ZNF536: variants seen among roughly 807,000 people sequenced by gnomAD.
ZNF536 encodes zinc finger protein 536.
A neutral mutation model predicts 84.5 loss-of-function variants in ZNF536; 13 were observed. That is an observed-to-expected ratio of 0.15 (90% CI 0.10 to 0.24). The LOEUF (loss-of-function observed/expected upper bound fraction) is 0.24. Ranked by LOEUF, ZNF536 falls within the 10% of genes least tolerant of loss-of-function variation. The pLI, the probability that ZNF536 is intolerant of heterozygous loss-of-function variation, is 1.00. For missense variants in ZNF536, 1,536 were observed against 1,747.5 expected, an observed-to-expected ratio of 0.88 and a Z score of 2.16; for synonymous variants, 811 against 742.5, an observed-to-expected ratio of 1.09 and a Z score of -1.50.
At chr19:30,559,793 C>T (rs535908834), downstream of ZNF536, among the ~76,000 whole-genome samples, 2 of 152,150 alleles carry the variant, frequency 1.3e-5, no homozygotes, top group Admixed American at 6.5e-5. Flanking sequence ...TGTATTCAGG[C>T]GTCTGCTGTT....
chr19:30,587,491 C>CG (rs899374854), intron 1 of ZNF536, among the ~76,000 whole-genome samples: 1 of 152,292 alleles, frequency 6.6e-6, no homozygotes, highest in Non-Finnish European at 1.5e-5. Context: ...GCTCATCCCC[C>CG]GGGGGTGCCT....
intron 1 of ZNF536, among the ~76,000 whole-genome samples, chr19:30,636,233 A>G (rs2049060092): frequency 1.3e-5 from 2 of 152,106 alleles, no homozygotes; most frequent in African/African-American, 4.8e-5. Context: ...TGATGAGGGA[A>G]ATGAGATAAC....
At chr19:30,625,811 G>A (rs2048654631) in intron 1 of ZNF536, among the ~76,000 whole-genome samples, 1 of 152,186 alleles carries the variant, frequency 6.6e-6, no homozygotes, top group African/African-American at 2.4e-5. Context: ...TGAATGACAT[G>A]CCCTTTGGGG....
chr19:30,640,922 A>G (rs1400057001), intron 1 of ZNF536, among the ~76,000 whole-genome samples: 1 of 152,204 alleles, frequency 6.6e-6, no homozygotes, highest in Non-Finnish European at 1.5e-5. Flanking sequence ...GTTTGGTATG[A>G]AGGCCCTGTC....
intron 1 of ZNF536, among the ~76,000 whole-genome samples, chr19:30,586,003 A>G (rs896488129): frequency 2.0e-5 from 3 of 152,202 alleles, no homozygotes; most frequent in Non-Finnish European, 4.4e-5. Flanking sequence ...TCAATCAGAC[A>G]AGATCCTCTA....
intron 2 of ZNF536, among the ~76,000 whole-genome samples, chr19:30,347,636 C>A (rs568777613): frequency 5.9e-5 from 9 of 152,126 alleles, no homozygotes; most frequent in African/African-American, 2.2e-4. Context: ...TCAGCCACTG[C>A]GGCCCCTGCT....
intron 2 of ZNF536, among the ~76,000 whole-genome samples, chr19:30,344,047 G>A (rs2047649938): frequency 6.6e-6 from 1 of 152,020 alleles, no homozygotes; most frequent in Non-Finnish European, 1.5e-5. Context: ...AGGGAAGGTA[G>A]TTGAAGGGGC....
rs546714549 is a variant in ZNF536 at position 30,482,803 on chromosome 19, C to T, written c.2170+37071C>T. ...AATGTTCTATCAGTCCCTTGTCCAG[C>T]CCCCCAGCTGGTTGAATTGGGAGTT... On this transcript the variant is annotated intron_variant, in intron 2 of 4. Transcript: ENST00000355537. 2.0e-5 allele frequency among the ~76,000 whole-genome samples: 3 copies of T among 152,198 alleles called. No individual in the cohort carries two copies. The South Asian group carries it at 6.2e-4, about 32-fold the overall frequency.
intron 1 of ZNF536, among the ~76,000 whole-genome samples, chr19:30,709,017 T>A (rs1163309376): frequency 6.6e-6 from 1 of 152,106 alleles, no homozygotes; most frequent in African/African-American, 2.4e-5. Context: ...CATGAGAGCT[T>A]CCAGGAACGG....
chr19:30,520,193 T>C (rs908391856), intron 2 of ZNF536, among the ~76,000 whole-genome samples: 2 of 152,154 alleles, frequency 1.3e-5, no homozygotes, highest in Non-Finnish European at 2.9e-5. Context: ...CATTTCAGGA[T>C]GAGAGGAAAC....
chr19:30,352,637 G>C (rs2047967779), intron 3 of ZNF536, among the ~76,000 whole-genome samples: 1 of 151,990 alleles, frequency 6.6e-6, no homozygotes, highest in South Asian at 2.1e-4. Context: ...CCCCAACCCA[G>C]ATAGGAGTCC....
chr19:30,225,687 T>TG (rs56684430), upstream of ZNF536, among the ~76,000 whole-genome samples: 17,772 of 83,984 alleles, frequency 0.21, 1,602 homozygotes, highest in African/African-American at 0.33. Flanking sequence ...AAAACAAAGG[T>TG]GGGGGGGGGA....
At chr19:30,342,967 G>A (rs539713587) in intron 2 of ZNF536, among the ~76,000 whole-genome samples, 1 of 152,350 alleles carries the variant, frequency 6.6e-6, no homozygotes, top group Admixed American at 6.5e-5. Context: ...TAGTGCTTTA[G>A]GTCTTATCAG....
At chr19:30,490,205 T>A (rs1356391161) in intron 2 of ZNF536, among the ~76,000 whole-genome samples, 1 of 152,146 alleles carries the variant, frequency 6.6e-6, no homozygotes. Flanking sequence ...CAGAAAACAG[T>A]TTTGTTGTTG....
intron 1 of ZNF536, among the ~76,000 whole-genome samples, chr19:30,373,201 C>CG (rs1343222505): frequency 2.6e-5 from 4 of 152,110 alleles, no homozygotes; most frequent in Non-Finnish European, 5.9e-5. Flanking sequence ...TTCTTCCCCC[C>CG]GACCTTTTTT....
intron 1 of ZNF536, among the ~76,000 whole-genome samples, chr19:30,415,891 T>A (rs2050710551): frequency 6.6e-6 from 1 of 152,240 alleles, no homozygotes; most frequent in Non-Finnish European, 1.5e-5. Context: ...ATTATAGGCA[T>A]GAGCCATCAT....
At chr19:30,367,768 C>T (rs2048483731), upstream of ZNF536, among the ~76,000 whole-genome samples, 1 of 152,186 alleles carries the variant, frequency 6.6e-6, no homozygotes, top group South Asian at 2.1e-4. Flanking sequence ...ATCTTGGCTC[C>T]TGGCCTCACA....
At chr19:30,272,437 A>T (rs2025904095) in intron 1 of ZNF536, among the ~76,000 whole-genome samples, 1 of 152,132 alleles carries the variant, frequency 6.6e-6, no homozygotes, top group Admixed American at 6.5e-5. Context: ...TATGAATGAA[A>T]ATTCATAATT....
At chr19:30,519,420 G>A (rs897472634) in intron 2 of ZNF536, among the ~76,000 whole-genome samples, 1 of 152,220 alleles carries the variant, frequency 6.6e-6, no homozygotes, top group African/African-American at 2.4e-5. Context: ...ACGGGGTTGT[G>A]CTCTGGCAGT....
Sources: allele counts gnomAD v4.1 joint callset (sites outside exome capture counted in the v4.1 genomes callset), GRCh38; gene constraint gnomAD v4.1.1; transcripts MANE v1.5; gene names NCBI Gene and HGNC (gene_info 2026-07-23, HGNC 2026-07-21).